DPP6: variants seen among roughly 807,000 people sequenced by gnomAD.
DPP6 encodes dipeptidyl peptidase like 6, also known as A-type potassium channel modulatory protein DPP6.
Under a neutral mutation model 122.6 loss-of-function variants are expected in DPP6, and 69 were observed. The ratio of observed to expected loss-of-function variants is 0.56; its 90% confidence interval spans 0.46 to 0.69. DPP6 has a LOEUF of 0.69. DPP6 is among the 30% of genes least tolerant of loss of function. The pLI is 0.00. For synonymous variants in DPP6, 418 were observed against 433.1 expected, an observed-to-expected ratio of 0.97 and a Z score of 0.43; for missense variants, 928 against 1,116.9, an observed-to-expected ratio of 0.83 and a Z score of 2.41.
chr7:154,728,847 C>A (rs1363851995), intron 8 of DPP6, among the ~76,000 whole-genome samples: 2 of 152,094 alleles, frequency 1.3e-5, no homozygotes, highest in East Asian at 1.9e-4. Flanking sequence ...GGGCACAAAT[C>A]TTTTTATCTT....
intron 1 of DPP6, among the ~76,000 whole-genome samples, chr7:154,063,281 G>C (rs1399514594): frequency 2.4e-5 from 3 of 126,614 alleles, no homozygotes; most frequent in East Asian, 4.9e-4. Flanking sequence ...CATCGCAGAG[G>C]GGGGAGGGAC....
chr7:153,765,253 C>A, the DPP6 span, among the ~76,000 whole-genome samples: 1 of 152,022 alleles, frequency 6.6e-6, no homozygotes, highest in Non-Finnish European at 1.5e-5. Flanking sequence ...TTTTGGTGCC[C>A]GGGCCGGGTG....
At chr7:153,784,751 T>A in the DPP6 span, among the ~76,000 whole-genome samples, 3 of 152,190 alleles carry the variant, frequency 2.0e-5, no homozygotes, top group African/African-American at 4.8e-5. Flanking sequence ...GACTGGTGGG[T>A]TTTCTTCTTC....
intron 1 of DPP6, among the ~76,000 whole-genome samples, chr7:154,415,891 A>G (rs1313399922): frequency 6.6e-6 from 1 of 151,504 alleles, no homozygotes; most frequent in East Asian, 1.9e-4. Flanking sequence ...ATGGACTTGA[A>G]CTTGAACCTG....
intron 16 of DPP6, among the ~76,000 whole-genome samples, chr7:154,808,827 C>T (rs1375042617): frequency 2.0e-5 from 3 of 152,162 alleles, no homozygotes; most frequent in African/African-American, 4.8e-5. Context: ...AAGCAGGAGG[C>T]AGCTTCAGCA....
At chr7:154,476,004 T>C (rs1822703279) in intron 3 of DPP6, 1 of 152,252 alleles carries the variant, frequency 6.6e-6, no homozygotes, top group East Asian at 1.9e-4. Flanking sequence ...CATCCTCTTT[T>C]GCTGAGTGAT....
intron 1 of DPP6, among the ~76,000 whole-genome samples, chr7:154,263,956 G>A (rs913269583): frequency 6.6e-6 from 1 of 152,092 alleles, no homozygotes; most frequent in Admixed American, 6.6e-5. Context: ...CTCCCAAAGT[G>A]CTGAAATTAT....
intron 1 of DPP6, among the ~76,000 whole-genome samples, chr7:154,046,042 T>C (rs2628701): frequency 0.19 from 29,115 of 151,296 alleles, 4,647 homozygotes; most frequent in African/African-American, 0.44. Context: ...AGTATTTATT[T>C]CAAGACCCAC....
chr7:154,416,315 T>A (rs1817010704), intron 1 of DPP6, among the ~76,000 whole-genome samples: 1 of 152,080 alleles, frequency 6.6e-6, no homozygotes, highest in African/African-American at 2.4e-5. Context: ...TAACCTATTG[T>A]CAGAAGGTCA....
At chr7:153,912,497 G>A (rs1416004354) in intron 1 of DPP6, among the ~76,000 whole-genome samples, 1 of 152,174 alleles carries the variant, frequency 6.6e-6, no homozygotes, top group Non-Finnish European at 1.5e-5. Context: ...TGCCAAAATA[G>A]CTCTTTGAAT....
At chr7:154,156,105 C>A in intron 1 of DPP6, among the ~76,000 whole-genome samples, 1 of 152,242 alleles carries the variant, frequency 6.6e-6, no homozygotes, top group Non-Finnish European at 1.5e-5. Flanking sequence ...ACCCACCCGC[C>A]CCATGCATGA....
intron 1 of DPP6, among the ~76,000 whole-genome samples, chr7:154,431,504 T>G (rs1818406211): frequency 2.3e-5 from 3 of 128,160 alleles, no homozygotes; most frequent in Admixed American, 8.3e-5. Context: ...TTCTTTTCTT[T>G]TCTTTCTTTT....
intron 1 of DPP6, among the ~76,000 whole-genome samples, chr7:153,971,328 A>T (rs1443088976): frequency 1.3e-5 from 2 of 151,644 alleles, no homozygotes; most frequent in Non-Finnish European, 2.9e-5. Flanking sequence ...GTTTTTCCAT[A>T]CATTTCTTAG....
intron 4 of DPP6, among the ~76,000 whole-genome samples, chr7:154,552,171 G>A (rs897435605): frequency 1.3e-5 from 2 of 152,140 alleles, no homozygotes; most frequent in Non-Finnish European, 2.9e-5. Context: ...TTGATTAGAG[G>A]CAGTGCACTG....
intron 7 of DPP6, among the ~76,000 whole-genome samples, chr7:154,711,967 CT>C (rs531459991): frequency 3.0e-3 from 258 of 86,844 alleles, no homozygotes; most frequent in African/African-American, 8.5e-3. Context: ...CACACACACT[CT>C]TCTTCTCAGT....
At position 154,483,620 on chromosome 7, in the gene DPP6, G is replaced by A. The variant is rs1823521333; in HGVS notation, c.457+8583G>A. 6.6e-6 allele frequency among the ~76,000 whole-genome samples: 1 copy of A among 152,242 alleles called. No individual in the cohort carries two copies. The highest frequency in any genetic ancestry group is 6.5e-5 in the Admixed American group (1 of 15,286). The stretch of plus-strand genomic sequence containing the variant: ...GAAGTTAGTTGGGAGCTTCTGACTG[G>A]TTAGTCTTTAAGTTTCACTTTTCTT... On this transcript the variant is annotated intron_variant, in intron 3 of 25. Transcript: ENST00000377770. The surrounding 1 kb of genome is among the most constrained non-coding windows in gnomAD (Gnocchi z 8.1).
At chr7:154,769,027 A>G (rs1270801242) in intron 8 of DPP6, among the ~76,000 whole-genome samples, 1 of 152,164 alleles carries the variant, frequency 6.6e-6, no homozygotes, top group African/African-American at 2.4e-5. Context: ...ATGTGAATTT[A>G]CTTTCTCCAG....
At chr7:154,381,435 G>C (rs1014655605) in intron 1 of DPP6, among the ~76,000 whole-genome samples, 1 of 152,184 alleles carries the variant, frequency 6.6e-6, no homozygotes, top group East Asian at 1.9e-4. Context: ...CTCTATATGG[G>C]TCTGTGTGTA....
chr7:153,818,180 G>A, the DPP6 span, among the ~76,000 whole-genome samples: 3 of 151,710 alleles, frequency 2.0e-5, no homozygotes, highest in East Asian at 1.9e-4. Context: ...AACTTTATTC[G>A]TAACCAAGAA....
Sources: gnomAD v4.1 joint callset for allele counts (sites outside exome capture counted in the v4.1 genomes callset) on GRCh38, gnomAD v4.1.1 for gene constraint, Gnocchi (gnomAD v3.1) non-coding constraint, MANE v1.5 for transcripts, NCBI Gene and HGNC (gene_info 2026-07-23, HGNC 2026-07-21) for gene names.